The following TNK2 variants were observed in gnomAD, a reference collection of about 807,000 sequenced individuals.
The protein encoded by TNK2 is activated CDC42 kinase 1.
Under a neutral mutation model 101.8 loss-of-function variants are expected in TNK2, and 83 were observed. The ratio of observed to expected loss-of-function variants is 0.82; its 90% CI spans 0.68 to 0.98. The LOEUF (loss-of-function observed/expected upper bound fraction) is 0.98, where lower values mean the gene tolerates loss of function less well. Ranked by LOEUF, TNK2 falls within the 50% of genes least tolerant of loss-of-function variation. The pLI is 0.00. For missense variants in TNK2, 1,665 were observed against 1,483.2 expected, an observed-to-expected ratio of 1.12 and a Z score of -2.01; for synonymous variants, 804 against 633.0, an observed-to-expected ratio of 1.27 and a Z score of -4.06.
intron 1 of TNK2, among the ~76,000 whole-genome samples, chr3:195,900,185 C>T (rs1271068276): frequency 6.6e-6 from 1 of 151,874 alleles, no homozygotes; most frequent in East Asian, 1.9e-4. Context: ...GGTGCTGGGG[C>T]GCGGGCTGCC....
At position 195,885,008 on chromosome 3, in the gene TNK2, G is replaced by A. The variant is rs1560522196; in HGVS notation, c.260C>T (p.Ala87Val). ...SKVFSGKRLE[A>V]EFPPHHSQST... ...CTGAGAGTGATGAGGTGGGAACTCA[G>A]CCTCCAGTCGCTTTCCACTGAACAC... The change falls in exon 4 of 16, where the codon GCT (alanine) becomes GTT (valine). Residue 87 changes from alanine to valine, a missense_variant. Ala to Val is a moderately conservative substitution (Grantham distance 64). This residue lies in a region of TNK2 where 490 missense variants were observed against 522.5 expected (regional missense o/e 0.94). Coordinates refer to ENST00000672887, the MANE Select transcript of TNK2 (RefSeq NM_001382273.1). The surrounding 1 kb of genome is among the most constrained non-coding windows in gnomAD (Gnocchi z 4.7). The A allele has an allele frequency of 1.2e-6, 2 of 1,605,398 alleles. No homozygotes were observed. The highest frequency in any genetic ancestry group is 1.7e-6 in the Non-Finnish European group (2 of 1,174,662).
chr3:195,877,796 G>C (rs1316781118), intron 9 of TNK2, among the ~76,000 whole-genome samples: 3 of 151,746 alleles, frequency 2.0e-5, no homozygotes, highest in African/African-American at 7.3e-5. Flanking sequence ...AGGCCTGGGA[G>C]GGGGTGGTGG....
intron 1 of TNK2, among the ~76,000 whole-genome samples, chr3:195,889,831 GC>G (rs1233624393): frequency 1.3e-5 from 2 of 152,222 alleles, no homozygotes; most frequent in Non-Finnish European, 2.9e-5. Context: ...GGCCAGGCTA[GC>G]CCCGGACCCA....
intron 10 of TNK2, chr3:195,870,528 C>T: frequency 1.6e-6 from 1 of 642,542 alleles, no homozygotes; most frequent in South Asian, 1.8e-5. Context: ...AGGGCAGACA[C>T]TCCTGTCCCG....
chr3:195,898,354 T>G (rs1456915763), intron 1 of TNK2, among the ~76,000 whole-genome samples: 5 of 152,176 alleles, frequency 3.3e-5, no homozygotes, highest in Admixed American at 6.5e-5. Flanking sequence ...AAACAACCTC[T>G]AAGCCTCAAT....
At chr3:195,876,640 G>C (rs776954302) in intron 9 of TNK2, 3 of 456,080 alleles carry the variant, frequency 6.6e-6, no homozygotes, top group South Asian at 4.6e-5. Context: ...ACGGAGGGCA[G>C]GTGCTGTGGT....
At chr3:195,903,390 C>G (rs1378904393) in intron 1 of TNK2, among the ~76,000 whole-genome samples, 1 of 152,220 alleles carries the variant, frequency 6.6e-6, no homozygotes. Flanking sequence ...CCTGGAAGAT[C>G]AGAAACAAGG....
chr3:195,872,476 CGACA>C lies in TNK2; in HGVS notation c.1257-10_1257-7del. 6.3e-7 allele frequency: 1 copy of C among 1,574,948 alleles called. No individual in the cohort carries two copies. Among genetic ancestry groups the C allele is most frequent in the African/African-American group, 1.3e-5 (1 of 74,328 alleles). ...GCCACCAGTAGTTCTCGGCCCTGCG[CGACA>C]GAGATGGCACGGTGAACGCCAGGCG... On this transcript the variant is annotated splice_polypyrimidine_tract_variant and splice_region_variant and intron_variant, in intron 9 of 15. Transcript: ENST00000672887.
intron 10 of TNK2, among the ~76,000 whole-genome samples, chr3:195,871,993 C>T (rs35879039): frequency 0.11 from 5,557 of 51,832 alleles, 240 homozygotes; most frequent in African/African-American, 0.18. Flanking sequence ...CTGGAGAACC[C>T]TCCCCTGGAG....
At chr3:195,895,485 G>C (rs1410354608) in intron 1 of TNK2, 3 of 1,361,502 alleles carry the variant, frequency 2.2e-6, no homozygotes, top group East Asian at 6.2e-5. Context: ...GCCGGCGGCC[G>C]GGTGGTCGCG....
rs770023580 is a variant in TNK2 at position 195,885,017 on chromosome 3, C to T, written c.251G>A (p.Arg84Gln). 24 of 1,602,732 alleles carry T rather than the reference C, an allele frequency of 1.5e-5. No homozygotes were observed. Among genetic ancestry groups the T allele is most frequent in the Non-Finnish European group, 1.5e-5 (18 of 1,173,144 alleles). The change falls in exon 4 of 16, where the codon CGA becomes CAA. Residue 84 changes from arginine to glutamine, a missense_variant. This residue lies in a region of TNK2 where 490 missense variants were observed against 522.5 expected (regional missense o/e 0.94). Transcript: ENST00000672887. The surrounding 1 kb of genome is among the most constrained non-coding windows in gnomAD (Gnocchi z 4.7). Reference sequence around the variant, plus strand: ...ATGAGGTGGGAACTCAGCCTCCAGTCGCTTTCCACTGAACACCTGTTTGAA... The same window carrying T: ...ATGAGGTGGGAACTCAGCCTCCAGTTGCTTTCCACTGAACACCTGTTTGAA... ...SWMSKVFSGK[R>Q]LEAEFPPHHS...
Position 195,864,157 on chromosome 3 carries a change from G to C in TNK2, c.*24C>G. On this transcript the variant is annotated 3_prime_UTR_variant, in exon 16 of 16. Transcript: ENST00000672887. ...AGGCTCAGGTGATTCCTTCAGGCAG[G>C]CCCTCTGGCTCTCCAGACGCATCTC... 6.2e-7 allele frequency: 1 copy of C among 1,613,938 alleles called. No individual in the cohort carries two copies.
chr3:195,878,982 C>A lies in TNK2; in HGVS notation c.1014+67G>T. ...TTGGTGAGAGGCAGTTCCAGCAGGG[C>A]CAGGCTGCAAGCAGGGAATGGAATT... is the stretch of plus-strand genomic sequence containing the variant. On this transcript the variant is annotated intron_variant, in intron 7 of 15. Transcript: ENST00000672887. This position sits in a 1 kb window ranked among gnomAD's most constrained non-coding sequence, Gnocchi z 4.7. The A allele has an allele frequency of 6.3e-7, 1 of 1,585,266 alleles. No individual in the cohort carries two copies.
chr3:195,877,607 C>T (rs1750137703), intron 9 of TNK2, among the ~76,000 whole-genome samples: 1 of 152,248 alleles, frequency 6.6e-6, no homozygotes, highest in Non-Finnish European at 1.5e-5. Flanking sequence ...GTTGCTCAGA[C>T]ACCCTGGGGA....
chr3:195,872,504 C>T (rs373732300), intron 9 of TNK2, 34 bp from the exon 10 acceptor site: 5 of 1,548,224 alleles, frequency 3.2e-6, no homozygotes, highest in Middle Eastern at 2.1e-4. Context: ...GAACGCCAGG[C>T]GTGGCGGGGC....
chr3:195,908,182 G>A (rs1238110141), intron 1 of TNK2: 1 of 155,360 alleles, frequency 6.4e-6, no homozygotes, highest in African/African-American at 2.4e-5. Context: ...AGGTGGAGGG[G>A]GGACCGTCCT....
chr3:195,903,348 C>G (rs577912863), intron 1 of TNK2, among the ~76,000 whole-genome samples: 3 of 152,154 alleles, frequency 2.0e-5, no homozygotes, highest in Non-Finnish European at 4.4e-5. Flanking sequence ...CCAGCTAACA[C>G]CACTCTTAAT....
chr3:195,882,375 C>T lies in TNK2; in HGVS notation c.610-47G>A, dbSNP rs192696984. On this transcript the variant is annotated intron_variant, in intron 5 of 15. Coordinates refer to ENST00000672887, the MANE Select transcript of TNK2 (RefSeq NM_001382273.1). This position sits in a 1 kb window ranked among gnomAD's most constrained non-coding sequence, Gnocchi z 4.2. ...GAGGAATGAGCTGGAGGACCCTGCC[C>T]CTTCTCAGCAGCCCACGCTGGGCCC... 7 of 1,603,218 alleles carry T rather than the reference C, an allele frequency of 4.4e-6. No individual in the cohort carries two copies. Among genetic ancestry groups the T allele is most frequent in the African/African-American group, 4.0e-5 (3 of 74,770 alleles).
chr3:195,871,155 G>A (rs1745010115), intron 10 of TNK2, among the ~76,000 whole-genome samples: 1 of 151,894 alleles, frequency 6.6e-6, no homozygotes, highest in African/African-American at 2.4e-5. Context: ...GAATCCCCCT[G>A]CGGCCAGCAG....
Sources: allele counts gnomAD v4.1 joint callset (sites outside exome capture counted in the v4.1 genomes callset), GRCh38; gene constraint gnomAD v4.1.1; regional missense constraint gnomAD v4.1.1; non-coding constraint Gnocchi (gnomAD v3.1); transcripts MANE v1.5; gene names NCBI Gene and HGNC (gene_info 2026-07-23, HGNC 2026-07-21).